The following TMEM59L variants were observed in gnomAD, a reference collection of about 807,000 sequenced individuals.
TMEM59L encodes transmembrane protein 59 like.
TMEM59L carries 31 observed loss-of-function variants against 39.6 expected under a neutral mutation model. That is an observed-to-expected ratio of 0.78 (90% CI 0.59 to 1.06). The LOEUF (loss-of-function observed/expected upper bound fraction) is 1.06. Among genes scored for constraint, TMEM59L ranks in the 50% least tolerant of loss-of-function variants. The probability of loss-of-function intolerance (pLI) is 0.00; values close to 1 mark genes in which losing one functional copy is unlikely to be tolerated. For synonymous variants in TMEM59L, 219 were observed against 202.9 expected, an observed-to-expected ratio of 1.08 and a Z score of -0.68; for missense variants, 441 against 451.3, an observed-to-expected ratio of 0.98 and a Z score of 0.21.
chr19:18,613,556 C>A (rs73531622), intron 1 of TMEM59L, among the ~76,000 whole-genome samples: 5,165 of 152,100 alleles, frequency 0.034, 142 homozygotes, highest in African/African-American at 0.077. Context: ...AAACCCCCTC[C>A]TCTGAGCCTC....
In TMEM59L at chr19:18,620,869, G is replaced by C. The variant is rs925620841; in HGVS notation, c.*333G>C. 4.9e-5 allele frequency: 9 copies of C among 182,852 alleles called. No homozygotes were observed. Among genetic ancestry groups the C allele is most frequent in the Non-Finnish European group, 8.0e-5 (7 of 87,302 alleles). The allele number at this position is 182,852 out of a possible 1,614,324, so 11.3% of individuals were successfully genotyped here. ...TTCTATGTCCCCTCTCTGCGGGGGG[G>C]GCGCTGAGGCTGAGGGGGAGCTGCG... On this transcript the variant is annotated 3_prime_UTR_variant, in exon 8 of 8. Transcript: ENST00000262817.
At position 18,618,215 on chromosome 19, in the gene TMEM59L, A is replaced by G. The variant is rs1435905980; in HGVS notation, c.725A>G (p.Lys242Arg). 6.3e-7 allele frequency: 1 copy of G among 1,593,742 alleles called. No individual in the cohort carries two copies. The highest frequency in any genetic ancestry group is 2.3e-5 in the East Asian group (1 of 43,342). Reference sequence around the variant, plus strand: ...AAGATCCGAGTCAAGACCAGCAGCAAGGCCAAGGTGGAGTCTGAAGAGCCA... The same window carrying G: ...AAGATCCGAGTCAAGACCAGCAGCAGGGCCAAGGTGGAGTCTGAAGAGCCA... ...KAKIRVKTSS[K>R]AKVESEEPQD... The change falls in exon 6 of 8, where the codon AAG (lysine) becomes AGG (arginine). Residue 242 changes from lysine to arginine, a missense_variant. Physicochemically the swap from Lys to Arg is conservative, Grantham distance 26. Coordinates refer to ENST00000262817, the MANE Select transcript of TMEM59L (RefSeq NM_012109.3).
chr19:18,618,673 G>GTGTA (rs1321353514), intron 7 of TMEM59L, among the ~76,000 whole-genome samples, 181 bp downstream of exon 7: 8 of 69,026 alleles, frequency 1.2e-4, no homozygotes, highest in East Asian at 1.3e-3. Context: ...GTGTGTGTGT[G>GTGTA]TATATATATA....
chr19:18,619,568 GC>G (rs1976470393), intron 7 of TMEM59L, among the ~76,000 whole-genome samples: 1 of 152,160 alleles, frequency 6.6e-6, no homozygotes, highest in Non-Finnish European at 1.5e-5. Flanking sequence ...ACTTTGGGAG[GC>G]CGAGGTGGGC....
At position 18,617,029 on chromosome 19, in the gene TMEM59L, C is replaced by G. The variant is rs1339088778; in HGVS notation, c.591C>G (p.Phe197Leu). 5 of 1,612,640 alleles carry G rather than the reference C, an allele frequency of 3.1e-6. No homozygotes were observed. The highest frequency in any genetic ancestry group is 4.2e-6 in the Non-Finnish European group (5 of 1,179,564). The change falls in exon 5 of 8, where the codon TTC becomes TTG. Residue 197 changes from phenylalanine (F) to leucine (L), a missense_variant. Phe to Leu is a conservative substitution (Grantham distance 22). Coordinates refer to ENST00000262817, the MANE Select transcript of TMEM59L (RefSeq NM_012109.3). ...QTQPIVESLG[F>L]QGGRLQRVEV... ...AGCCCATAGTGGAGAGCCTCGGCTT[C>G]CAGGGGGGCCGTCTGCAGCGCGTGG...
chr19:18,613,070 G>T lies in TMEM59L; in HGVS notation c.112G>T (p.Asp38Tyr). The change falls in exon 1 of 8, where the codon GAC becomes TAC. Residue 38 changes from aspartate to tyrosine, a missense_variant. Physicochemically the swap from Asp to Tyr is radical, Grantham distance 160. Coordinates refer to ENST00000262817, the MANE Select transcript of TMEM59L (RefSeq NM_012109.3). ...ARDPFAPQLG[D>Y]TQNCQLRCRD... Reference sequence around the variant, plus strand: ...CGATCCCTTCGCCCCCCAGCTCGGGGACACGCAGAACTGCCAGCTGCGGTG... The same window carrying T: ...CGATCCCTTCGCCCCCCAGCTCGGGTACACGCAGAACTGCCAGCTGCGGTG... The T allele has an allele frequency of 7.3e-7, 1 of 1,376,332 alleles. No individual in the cohort carries two copies. Among genetic ancestry groups the T allele is most frequent in the Non-Finnish European group, 9.4e-7 (1 of 1,067,462 alleles). 85.3% of individuals were successfully genotyped at this position (1,376,332 alleles called of 1,614,324 possible).
rs981690511 is a variant in TMEM59L, at chr19:18,613,919, G to T, written c.219G>T (p.Leu73=). 3.1e-6 allele frequency: 5 copies of T among 1,613,048 alleles called. No individual in the cohort carries two copies. The highest frequency in any genetic ancestry group is 4.2e-6 in the Non-Finnish European group (5 of 1,180,024). Residue 73 remains leucine, a synonymous_variant, in exon 2 of 8, where the codon CTG becomes CTT. Coordinates refer to ENST00000262817, the MANE Select transcript of TMEM59L (RefSeq NM_012109.3). Reference sequence around the variant, plus strand: ...AGTCTCCCTATGACAGAGCCGTTCTGATCAGCGCTTGCGAGCGTGGCTGCC... The same window carrying T: ...AGTCTCCCTATGACAGAGCCGTTCTTATCAGCGCTTGCGAGCGTGGCTGCC... ...ASESPYDRAV[L]ISACERGCRL...
At chr19:18,620,386 C>G (rs747573507) in intron 7 of TMEM59L, 22 bp from the exon 8 acceptor site, 2 of 1,595,704 alleles carry the variant, frequency 1.3e-6, no homozygotes, top group Non-Finnish European at 1.7e-6. Flanking sequence ...CTCCACTTCC[C>G]TCCTCCCCTC....
At chr19:18,614,264 C>A in intron 3 of TMEM59L, 69 bp downstream of exon 3, 1 of 1,499,650 alleles carries the variant, frequency 6.7e-7, no homozygotes, top group Non-Finnish European at 9.0e-7. Flanking sequence ...CGTGGGAAAT[C>A]TTCATTCACG....
intron 3 of TMEM59L, 24 bp from the exon 4 acceptor site, chr19:18,615,951 G>C (rs1976422336): frequency 6.2e-7 from 1 of 1,609,012 alleles, no homozygotes; most frequent in African/African-American, 1.3e-5. Flanking sequence ...TGCCATCTTT[G>C]TGTCTTGGAC....
At chr19:18,613,753 C>T (rs947228755) in intron 1 of TMEM59L, 119 bp from the exon 2 acceptor site, 5 of 748,274 alleles carry the variant, frequency 6.7e-6, no homozygotes, top group South Asian at 5.3e-5. Context: ...TCATCTCCAT[C>T]TGGCTAGATG....
intron 7 of TMEM59L, among the ~76,000 whole-genome samples, chr19:18,618,736 C>T (rs1976462142): frequency 6.8e-6 from 1 of 147,880 alleles, no homozygotes; most frequent in Non-Finnish European, 1.5e-5. Context: ...GCTCTGTCAC[C>T]TGGGCTGGAG....
intron 5 of TMEM59L, chr19:18,617,690 C>T (rs1426345356): frequency 2.2e-6 from 1 of 450,398 alleles, no homozygotes. Flanking sequence ...GTTCTGTGGC[C>T]CATCCCCCAG....
intron 3 of TMEM59L, among the ~76,000 whole-genome samples, chr19:18,614,644 C>T (rs1228760317): frequency 1.3e-5 from 2 of 152,264 alleles, no homozygotes; most frequent in Admixed American, 1.3e-4. Context: ...CTGCCAGGTG[C>T]TGGTCTAAGC....
chr19:18,620,616 G>C lies in TMEM59L; in HGVS notation c.*80G>C. ...CCCTGAGCCCAGGAGTCCAAGGGCA[G>C]GGTGGGTCCAGCCTTGAGCCCCTCC... On this transcript the variant is annotated 3_prime_UTR_variant, in exon 8 of 8. Coordinates refer to ENST00000262817, the MANE Select transcript of TMEM59L (RefSeq NM_012109.3). The C allele has an allele frequency of 6.5e-7, 1 of 1,535,556 alleles. No individual in the cohort carries two copies. Among genetic ancestry groups the C allele is most frequent in the Non-Finnish European group, 8.8e-7 (1 of 1,141,706 alleles).
chr19:18,614,759 G>A lies in TMEM59L; in HGVS notation c.408+564G>A, dbSNP rs1271261419. ...CGCAAGCACGCACACACTGCCTTAT[G>A]GGAGAAATAATAACGGTTCATCTAT... On this transcript the variant is annotated intron_variant, in intron 3 of 7. Transcript: ENST00000262817. Among the ~76,000 whole-genome samples the A allele has an allele frequency of 7.2e-5, 11 of 152,204 alleles. No individual in the cohort carries two copies. The East Asian group carries it at 2.1e-3, about 29-fold the overall frequency.
chr19:18,620,558 G>T lies in TMEM59L; in HGVS notation c.*22G>T. 6.2e-7 allele frequency: 1 copy of T among 1,610,026 alleles called. No individual in the cohort carries two copies. On this transcript the variant is annotated 3_prime_UTR_variant, in exon 8 of 8. Transcript: ENST00000262817. ...GTAGGCCTCCACTGGCCCCATCACT[G>T]CCAACTGCAGGGGGCCCCTCGGGCC...
chr19:18,617,214 G>T (rs917003526), intron 5 of TMEM59L, 112 bp downstream of exon 5: 1 of 804,814 alleles, frequency 1.2e-6, no homozygotes, highest in Admixed American at 1.9e-5. Context: ...CAAGTCCTGG[G>T]TTCCATGGCT....
intron 5 of TMEM59L, chr19:18,617,437 G>C (rs776375495): frequency 2.2e-4 from 106 of 481,518 alleles, no homozygotes; most frequent in Non-Finnish European, 3.8e-4. Flanking sequence ...CCAGGGTTCC[G>C]TGTTCCGCCT....
Sources: allele counts gnomAD v4.1 joint callset (sites outside exome capture counted in the v4.1 genomes callset), GRCh38; gene constraint gnomAD v4.1.1; transcripts MANE v1.5; gene names NCBI Gene and HGNC (gene_info 2026-07-23, HGNC 2026-07-21).